Variants in CLHC1 observed in about 807,000 individuals in gnomAD.
CLHC1 encodes clathrin heavy chain linker domain-containing protein 1.
Under a neutral mutation model 69.5 loss-of-function variants are expected in CLHC1, and 72 were observed. That is an observed-to-expected ratio of 1.04 (90% CI 0.86 to 1.26). The LOEUF (loss-of-function observed/expected upper bound fraction) is 1.26, where lower values mean the gene tolerates loss of function less well. Ranked by LOEUF, CLHC1 falls within the 50% of genes most tolerant of loss-of-function variation. CLHC1 has a pLI of 0.00. For synonymous variants in CLHC1, 223 were observed against 224.3 expected (o/e 0.99, Z 0.05); for missense variants, 790 against 679.3 (o/e 1.16, Z -1.81).
chr2:55,194,972 A>T (rs575632714), intron 9 of CLHC1, among the ~76,000 whole-genome samples: 2 of 151,586 alleles, frequency 1.3e-5, no homozygotes, highest in African/African-American at 4.8e-5. Context: ...TCTGGAGTAC[A>T]GTGGTGTGAT....
chr2:55,181,914 T>A (rs1014710169), intron 9 of CLHC1, among the ~76,000 whole-genome samples, 170 bp from the exon 10 acceptor site: 2 of 152,182 alleles, frequency 1.3e-5, no homozygotes, highest in African/African-American at 4.8e-5. Flanking sequence ...TCTAAATGAC[T>A]AAATATCACG....
chr2:55,222,710 CG>C (rs1674261263), intron 2 of CLHC1, among the ~76,000 whole-genome samples: 1 of 151,528 alleles, frequency 6.6e-6, no homozygotes, highest in Non-Finnish European at 1.5e-5. Flanking sequence ...ATCTGAGGTC[CG>C]GGAGTTCGAG....
chr2:55,196,808 G>C (rs1411549439), intron 9 of CLHC1, among the ~76,000 whole-genome samples: 1 of 152,206 alleles, frequency 6.6e-6, no homozygotes, highest in Non-Finnish European at 1.5e-5. Flanking sequence ...GCTTCTTCTT[G>C]AGAAAAGCAG....
chr2:55,187,172 C>T (rs1670493245), intron 9 of CLHC1, among the ~76,000 whole-genome samples: 1 of 151,822 alleles, frequency 6.6e-6, no homozygotes, highest in Non-Finnish European at 1.5e-5. Context: ...GTACTCCCAG[C>T]TACTCCTGAA....
At chr2:55,222,639 G>A (rs1413926862) in intron 2 of CLHC1, 146 bp from the exon 3 acceptor site, 3 of 358,056 alleles carry the variant, frequency 8.4e-6, no homozygotes, top group Non-Finnish European at 1.5e-5. Context: ...GGTCTATGCT[G>A]CCAAGCGTGG....
intron 9 of CLHC1, among the ~76,000 whole-genome samples, chr2:55,195,434 T>C (rs1671318758): frequency 6.6e-6 from 1 of 152,170 alleles, no homozygotes; most frequent in African/African-American, 2.4e-5. Context: ...ATTGTTAAAA[T>C]ATCCAGGAAG....
chr2:55,190,104 G>A (rs1290796795), intron 9 of CLHC1, among the ~76,000 whole-genome samples: 2 of 152,040 alleles, frequency 1.3e-5, no homozygotes, highest in Admixed American at 1.3e-4. Flanking sequence ...GAGTGCAGTG[G>A]CGTGATCTCG....
intron 9 of CLHC1, among the ~76,000 whole-genome samples, chr2:55,197,311 C>A (rs971409804): frequency 6.6e-6 from 1 of 152,246 alleles, no homozygotes; most frequent in African/African-American, 2.4e-5. Context: ...GATGGCTTCA[C>A]CACCTGTTGA....
intron 9 of CLHC1, among the ~76,000 whole-genome samples, chr2:55,200,511 G>T (rs958407448): frequency 2.0e-5 from 3 of 152,040 alleles, no homozygotes; most frequent in African/African-American, 7.2e-5. Flanking sequence ...CCTAACACTG[G>T]AGTACCCAGA....
intron 9 of CLHC1, among the ~76,000 whole-genome samples, chr2:55,193,599 C>G (rs899195847): frequency 6.6e-6 from 1 of 152,122 alleles, no homozygotes; most frequent in Non-Finnish European, 1.5e-5. Context: ...TACCACTTCA[C>G]ACTTATTAGA....
chr2:55,224,377 C>A, intron 2 of CLHC1: 1 of 441,376 alleles, frequency 2.3e-6, no homozygotes, highest in Non-Finnish European at 4.6e-6. Flanking sequence ...GAAGCTCCCC[C>A]GACACCCAGT....
At chr2:55,184,949 CACACACACACACAA>C (rs1252370535) in intron 9 of CLHC1, among the ~76,000 whole-genome samples, 1 of 148,714 alleles carries the variant, frequency 6.7e-6, no homozygotes, top group Non-Finnish European at 1.5e-5. Context: ...CACACACACA[CACACACACACACAA>C]AGATTTCCTA....
chr2:55,176,131 T>G, intron 12 of CLHC1, 145 bp from the exon 13 acceptor site: 2 of 679,726 alleles, frequency 2.9e-6, no homozygotes, highest in Non-Finnish European at 4.9e-6. Context: ...TGATATAACA[T>G]GCAGTGCTCA....
Position 55,206,291 on chromosome 2 carries a change from C to G in CLHC1, c.985G>C (p.Gly329Arg). Residue 329 changes from glycine (G) to arginine (R), a missense_variant, in exon 9 of 13, where the codon GGT (glycine) becomes CGT (arginine). Physicochemically the swap from Gly to Arg is moderately radical, Grantham distance 125 (BLOSUM62 -2). Transcript: ENST00000401408. ...NSPRRILRNI[G>R]TMNTFKAVGK... ...TTACCCTTAAATGTATTCATTGTAC[C>G]AATGTTTCGAAGAATTCTTCTAGGA... 1 of 1,600,682 alleles carries G rather than the reference C, an allele frequency of 6.2e-7. No homozygotes were observed. Among genetic ancestry groups the G allele is most frequent in the Non-Finnish European group, 8.6e-7 (1 of 1,168,432 alleles).
At chr2:55,217,189 G>A (rs556384388) in intron 4 of CLHC1, among the ~76,000 whole-genome samples, 2 of 148,558 alleles carry the variant, frequency 1.3e-5, no homozygotes, top group African/African-American at 2.5e-5. Flanking sequence ...AGCAAGCCCT[G>A]CTTCAAACAA....
At chr2:55,204,027 G>A (rs967313625) in intron 9 of CLHC1, among the ~76,000 whole-genome samples, 1 of 152,210 alleles carries the variant, frequency 6.6e-6, no homozygotes, top group Non-Finnish European at 1.5e-5. Context: ...GTTCACACCT[G>A]TAATCCCAAC....
At chr2:55,226,533 ATGT>A (rs1275383821) in intron 2 of CLHC1, among the ~76,000 whole-genome samples, 1 of 152,222 alleles carries the variant, frequency 6.6e-6, no homozygotes, top group Non-Finnish European at 1.5e-5. Flanking sequence ...GCACTTTTTC[ATGT>A]TGTTAAATCG....
intron 12 of CLHC1, among the ~76,000 whole-genome samples, 185 bp from the exon 13 acceptor site, chr2:55,176,171 T>C (rs992162538): frequency 6.6e-6 from 1 of 152,218 alleles, no homozygotes; most frequent in South Asian, 2.1e-4. Flanking sequence ...CTCGTGTTAG[T>C]TCCTTCTCCT....
rs1558445998 is a variant in CLHC1, at chr2:55,180,665, TC to T, written c.1228del (p.Glu410SerfsTer13). 1 of 1,613,986 alleles carries T rather than the reference TC, an allele frequency of 6.2e-7. No homozygotes were observed. Among genetic ancestry groups the T allele is most frequent in the Non-Finnish European group, 8.5e-7 (1 of 1,179,960 alleles). On this transcript the variant is annotated frameshift_variant, in exon 11 of 13. Transcript: ENST00000401408. LOFTEE classifies it high-confidence loss of function. ...EAGDVICDYG[E>X]QDTYNKAKCL... ...CTTGGCCTTGTTATAAGTATCCTGC[TC>T]CCCATAATCACAAATCACATCCCCA... is the stretch of plus-strand genomic sequence containing the variant.
Sources: gnomAD v4.1 joint callset for allele counts (sites outside exome capture counted in the v4.1 genomes callset) on GRCh38, gnomAD v4.1.1 for gene constraint, MANE v1.5 for transcripts, NCBI Gene and HGNC (gene_info 2026-07-23, HGNC 2026-07-21) for gene names.